The following ITGB5 variants were observed in gnomAD, a reference collection of about 807,000 sequenced individuals.
ITGB5 encodes integrin beta-5.
ITGB5 carries 38 observed loss-of-function variants against 84.8 expected under a neutral mutation model. The ratio of observed to expected loss-of-function variants is 0.45; its 90% CI spans 0.35 to 0.59. The LOEUF (loss-of-function observed/expected upper bound fraction) is 0.59, where lower values mean the gene tolerates loss of function less well. Ranked by LOEUF, ITGB5 falls within the 20% of genes least tolerant of loss-of-function variation. ITGB5 has a pLI of 0.01. For missense variants in ITGB5, 905 were observed against 1,034.5 expected (o/e 0.87, Z 1.72); for synonymous variants, 393 against 414.4 (o/e 0.95, Z 0.63).
At chr3:124,794,938 G>T (rs774914048) in intron 10 of ITGB5, among the ~76,000 whole-genome samples, 1 of 152,128 alleles carries the variant, frequency 6.6e-6, no homozygotes, top group Non-Finnish European at 1.5e-5. Flanking sequence ...CACAGGAAAC[G>T]CATGCTTCAC....
chr3:124,848,638 T>C lies in ITGB5; in HGVS notation c.362-80A>G, dbSNP rs2065110349. 6.1e-6 allele frequency: 9 copies of C among 1,472,246 alleles called. No homozygotes were observed. The African/African-American group carries it at 8.4e-5, about 14-fold the overall frequency. The allele number at this position is 1,472,246 out of a possible 1,614,324, so 91.2% of individuals were successfully genotyped here. On this transcript the variant is annotated intron_variant, in intron 3 of 14. Coordinates refer to ENST00000296181, the MANE Select transcript of ITGB5 (RefSeq NM_002213.5). ...GAGGGATGGGATTTGCTTTCAAAGC[T>C]AGTTTGCCTCTTACTTTTCTTTAGT...
intron 7 of ITGB5, among the ~76,000 whole-genome samples, chr3:124,819,311 G>A (rs900648601): frequency 1.7e-4 from 26 of 152,256 alleles, no homozygotes; most frequent in African/African-American, 5.1e-4. Flanking sequence ...GAATTTCTGC[G>A]CCAGACTAGC....
upstream of ITGB5, among the ~76,000 whole-genome samples, chr3:124,891,039 G>A (rs1364515449): frequency 6.6e-6 from 1 of 152,118 alleles, no homozygotes; most frequent in Non-Finnish European, 1.5e-5. Context: ...TTCCATGTCT[G>A]ATCACTGCTA....
chr3:124,817,465 T>C (rs2064621150), intron 8 of ITGB5, among the ~76,000 whole-genome samples, 156 bp downstream of exon 8: 1 of 151,738 alleles, frequency 6.6e-6, no homozygotes, highest in Non-Finnish European at 1.5e-5. Flanking sequence ...TGACCCTGAG[T>C]GAAGCAGGAA....
intron 1 of ITGB5, among the ~76,000 whole-genome samples, chr3:124,880,555 A>G (rs942882125): frequency 6.6e-6 from 1 of 152,232 alleles, no homozygotes; most frequent in Non-Finnish European, 1.5e-5. Context: ...TTCAAGCTAC[A>G]GTGGGCCATG....
In ITGB5 at chr3:124,859,446, C is replaced by G; in HGVS notation, c.157G>C (p.Asp53His). ...GTGATGGACCGTGGGCTTCCGAAGT[C>G]CTAGGCAGGGAAAAAGAGGAAGAGA... ...HPKCAWCSKEDFGSPRSITSR... is the reference protein window; with the variant it reads ...HPKCAWCSKEHFGSPRSITSR... Residue 53 changes from aspartate (D) to histidine (H), a missense_variant and splice_region_variant, in exon 3 of 15, where the codon GAC becomes CAC. This residue lies in a region of ITGB5 where 656 missense variants were observed against 734.7 expected (regional missense o/e 0.89). Coordinates refer to ENST00000296181, the MANE Select transcript of ITGB5 (RefSeq NM_002213.5). 1 of 1,611,718 alleles carries G rather than the reference C, an allele frequency of 6.2e-7. No homozygotes were observed. Among genetic ancestry groups the G allele is most frequent in the Non-Finnish European group, 8.5e-7 (1 of 1,179,364 alleles).
chr3:124,776,747 C>A (rs565923002), intron 10 of ITGB5, among the ~76,000 whole-genome samples: 8 of 152,352 alleles, frequency 5.3e-5, no homozygotes. Flanking sequence ...ACAAAGATGG[C>A]ACAGAGGCCA....
At chr3:124,886,857 GC>G in intron 1 of ITGB5, 73 bp downstream of exon 1, 1 of 956,556 alleles carries the variant, frequency 1.0e-6, no homozygotes. Context: ...TGCGCTCCCC[GC>G]CCCTCCGAGA....
At chr3:124,897,727 T>C (rs560963685) in intron 1 of ITGB5, among the ~76,000 whole-genome samples, 6 of 152,346 alleles carry the variant, frequency 3.9e-5, no homozygotes, top group Non-Finnish European at 7.3e-5. Flanking sequence ...ATTGAGTGTA[T>C]ACCATGTGAC....
rs552552243 is a variant in ITGB5, at chr3:124,807,941, CAAAAAAAAAAAAAAAAAAAAAAA to C, written c.1263+1058_1263+1080del. Among the ~76,000 whole-genome samples the C allele has an allele frequency of 3.0e-4, 8 of 26,802 alleles. No individual in the cohort carries two copies. The South Asian group carries it at 7.4e-3, about 25-fold the overall frequency. The allele number at this position is 26,802 out of a possible 152,430, so 17.6% of individuals were successfully genotyped here. A position where few individuals can be genotyped will look rare whatever the true frequency, so the allele number is the denominator to read the frequency against. On this transcript the variant is annotated intron_variant, in intron 9 of 14. Coordinates refer to ENST00000296181, the MANE Select transcript of ITGB5 (RefSeq NM_002213.5). Reference sequence around the variant, plus strand: ...TGGGCGACAGAGCGAGACTTCATCTCAAAAAAAAAAAAAAAAAAAAAAAAAAAAAAAAAAAAAAAGAGGTATGT... The same window carrying C: ...TGGGCGACAGAGCGAGACTTCATCTCAAAAAAAAAAAAAAAAGAGGTATGT...
At chr3:124,819,904 GCA>G in intron 6 of ITGB5, 70 bp from the exon 7 acceptor site, 5 of 1,102,576 alleles carry the variant, frequency 4.5e-6, no homozygotes, top group Admixed American at 1.7e-5. Context: ...TGGCTCCAAT[GCA>G]CAGTCAGCAG....
At chr3:124,848,882 C>G (rs773611062) in intron 3 of ITGB5, among the ~76,000 whole-genome samples, 9 of 152,014 alleles carry the variant, frequency 5.9e-5, no homozygotes, top group Non-Finnish European at 1.2e-4. Flanking sequence ...CAGGTTCAAG[C>G]GATTCTCATG....
chr3:124,804,886 C>G (rs2064371005), intron 9 of ITGB5, among the ~76,000 whole-genome samples: 5 of 152,072 alleles, frequency 3.3e-5, no homozygotes, highest in Admixed American at 2.6e-4. Flanking sequence ...AGGTTGGTCT[C>G]GAACTCCTGA....
chr3:124,887,231 T>A lies in ITGB5; in HGVS notation c.-231A>T, dbSNP rs1365934276. 2 of 151,594 alleles carry A rather than the reference T, an allele frequency of 1.3e-5. No homozygotes were observed. The highest frequency in any genetic ancestry group is 2.9e-5 in the Non-Finnish European group (2 of 67,926). 9.4% of individuals were successfully genotyped at this position (151,594 alleles called of 1,614,324 possible). ...GCTGCCCTGGCTGGCCGGCCGGGAC[T>A]CCTAGTGTGTCGCCGCTCGGGACGG... On this transcript the variant is annotated 5_prime_UTR_variant, in exon 1 of 15. Coordinates refer to ENST00000296181, the MANE Select transcript of ITGB5 (RefSeq NM_002213.5).
intron 1 of ITGB5, among the ~76,000 whole-genome samples, chr3:124,874,824 T>A (rs2650070): frequency 6.6e-6 from 1 of 152,228 alleles, no homozygotes; most frequent in East Asian, 1.9e-4. Flanking sequence ...GAAACTGAAC[T>A]CTTATCTCAC....
intron 5 of ITGB5, among the ~76,000 whole-genome samples, chr3:124,829,493 C>G (rs1013931997): frequency 6.6e-6 from 1 of 152,188 alleles, no homozygotes; most frequent in African/African-American, 2.4e-5. Flanking sequence ...CACACTCATG[C>G]GAGGGAACGA....
chr3:124,774,530 T>C (rs754084901), intron 10 of ITGB5, among the ~76,000 whole-genome samples: 92 of 152,176 alleles, frequency 6.0e-4, no homozygotes, highest in Non-Finnish European at 1.2e-3. Flanking sequence ...AGGAAGCCGA[T>C]GCTCCCTGGG....
chr3:124,879,281 A>G lies in ITGB5; in HGVS notation c.71-5750T>C, dbSNP rs138632221. 1.4e-3 allele frequency among the ~76,000 whole-genome samples: 213 copies of G among 152,262 alleles called. 2 individuals are homozygous for G. Among genetic ancestry groups the G allele is most frequent in the South Asian group, 8.3e-3 (40 of 4,812 alleles). On this transcript the variant is annotated intron_variant, in intron 1 of 14. Transcript: ENST00000296181. ...CCCATGGGTCCAAGGTCAGACAACTACTACTAAAACATACATCTGCAGTTG... is the reference window on the plus strand; with the variant it reads ...CCCATGGGTCCAAGGTCAGACAACTGCTACTAAAACATACATCTGCAGTTG...
intron 1 of ITGB5, 44 bp downstream of exon 1, chr3:124,886,887 T>G (rs1304443284): frequency 5.1e-5 from 60 of 1,170,818 alleles, no homozygotes; most frequent in Non-Finnish European, 6.4e-5. Flanking sequence ...CGCGGCTGAG[T>G]GTGCGACAAA....
Sources: gnomAD v4.1 joint callset for allele counts (sites outside exome capture counted in the v4.1 genomes callset) on GRCh38, gnomAD v4.1.1 for gene constraint, gnomAD v4.1.1 regional missense constraint, MANE v1.5 for transcripts, NCBI Gene and HGNC (gene_info 2026-07-23, HGNC 2026-07-21) for gene names.